Variants in ANKRD30BL observed in about 807,000 individuals in gnomAD.
ANKRD30BL encodes ankyrin repeat domain 30B like, also known as putative ankyrin repeat domain-containing protein 30B-like.
In ANKRD30BL, 20 loss-of-function variants were observed where a neutral mutation model predicts 18.4. The ratio of observed to expected loss-of-function variants is 1.09; its 90% CI spans 0.77 to 1.58. The LOEUF is 1.58. Ranked by LOEUF, ANKRD30BL falls within the 40% of genes most tolerant of loss-of-function variation. The probability of loss-of-function intolerance (pLI) is 0.00; values close to 1 mark genes in which losing one functional copy is unlikely to be tolerated. For missense variants in ANKRD30BL, 224 were observed against 268.6 expected (o/e 0.83, Z 1.16); for synonymous variants, 72 against 100.9 (o/e 0.71, Z 1.72).
intron 1 of ANKRD30BL, among the ~76,000 whole-genome samples, chr2:132,172,915 C>G (rs537906669): frequency 6.6e-6 from 1 of 152,108 alleles, no homozygotes; most frequent in Non-Finnish European, 1.5e-5. Flanking sequence ...ACCATATTGG[C>G]CAGGCTGGTC....
At chr2:132,219,780 T>C in intron 1 of ANKRD30BL, among the ~76,000 whole-genome samples, 1 of 152,226 alleles carries the variant, frequency 6.6e-6, no homozygotes, top group Admixed American at 6.6e-5. Context: ...AATCTGCATG[T>C]GGATATTTGA....
chr2:132,168,988 ATATTG>A (rs1327699169), intron 1 of ANKRD30BL, among the ~76,000 whole-genome samples: 3 of 152,064 alleles, frequency 2.0e-5, no homozygotes, highest in Admixed American at 6.6e-5. Flanking sequence ...TTATTTTAGA[ATATTG>A]TATTGTCATT....
intron 1 of ANKRD30BL, among the ~76,000 whole-genome samples, chr2:132,221,730 G>A (rs1280756535): frequency 3.7e-4 from 41 of 111,880 alleles, no homozygotes; most frequent in Non-Finnish European, 6.1e-4. Context: ...CGCCCCGTCC[G>A]GGAGGTGAGG....
intron 1 of ANKRD30BL, among the ~76,000 whole-genome samples, chr2:132,200,225 A>C (rs1303326165): frequency 6.6e-6 from 1 of 151,632 alleles, no homozygotes; most frequent in Non-Finnish European, 1.5e-5. Context: ...TCCCTTTGAA[A>C]ACTGGCACAA....
chr2:132,188,999 A>G (rs1449816871), intron 1 of ANKRD30BL, among the ~76,000 whole-genome samples: 1 of 152,150 alleles, frequency 6.6e-6, no homozygotes. Context: ...CACAGGCCTC[A>G]GGAAACTGGG....
chr2:132,251,829 G>A (rs1218366248), intron 1 of ANKRD30BL, among the ~76,000 whole-genome samples: 1 of 152,122 alleles, frequency 6.6e-6, no homozygotes, highest in South Asian at 2.1e-4. Flanking sequence ...AAGTAACTTT[G>A]TGTTCTTTAT....
At chr2:132,206,158 GAGAAA>G (rs1208846136) in intron 1 of ANKRD30BL, among the ~76,000 whole-genome samples, 4 of 152,002 alleles carry the variant, frequency 2.6e-5, no homozygotes, top group South Asian at 2.1e-4. Flanking sequence ...AGAAAGAAAA[GAGAAA>G]AGAAAAGAGA....
At chr2:132,242,076 T>C (rs1324444717) in intron 1 of ANKRD30BL, among the ~76,000 whole-genome samples, 1 of 151,916 alleles carries the variant, frequency 6.6e-6, no homozygotes, top group South Asian at 2.1e-4. Flanking sequence ...TTGTGATGTG[T>C]GTACTCAATT....
intron 1 of ANKRD30BL, among the ~76,000 whole-genome samples, chr2:132,204,786 G>A (rs906434213): frequency 1.3e-5 from 2 of 152,074 alleles, no homozygotes; most frequent in Non-Finnish European, 2.9e-5. Context: ...GATGAGATGG[G>A]CAATGCTTTA....
chr2:132,252,999 G>A (rs567908975), intron 1 of ANKRD30BL, among the ~76,000 whole-genome samples: 68 of 152,116 alleles, frequency 4.5e-4, no homozygotes, highest in African/African-American at 1.5e-3. Flanking sequence ...ACACAGGGCC[G>A]CAGGGGGAGG....
At chr2:132,255,394 A>AT (rs1680801983) in intron 1 of ANKRD30BL, among the ~76,000 whole-genome samples, 2 of 148,522 alleles carry the variant, frequency 1.3e-5, no homozygotes, top group Admixed American at 6.7e-5. Context: ...GAACACTCTA[A>AT]TTTTTTCAAA....
intron 1 of ANKRD30BL, among the ~76,000 whole-genome samples, chr2:132,239,738 AAC>A (rs1052413406): frequency 5.3e-5 from 8 of 152,026 alleles, no homozygotes; most frequent in African/African-American, 1.4e-4. Flanking sequence ...GCAGTTTTGA[AAC>A]ACTCTTTTTG....
intron 1 of ANKRD30BL, among the ~76,000 whole-genome samples, chr2:132,213,587 T>C (rs28757297): frequency 0.021 from 3,229 of 151,896 alleles, no homozygotes; most frequent in African/African-American, 0.074. Context: ...AACTCTTTTT[T>C]AGACTCTGCA....
At chr2:132,212,203 G>C (rs2872847) in intron 1 of ANKRD30BL, among the ~76,000 whole-genome samples, 2 of 151,524 alleles carry the variant, frequency 1.3e-5, no homozygotes, top group Non-Finnish European at 3.0e-5. Context: ...AGAATCTGCA[G>C]GTGGATATTT....
intron 1 of ANKRD30BL, among the ~76,000 whole-genome samples, chr2:132,250,100 A>C (rs1024094935): frequency 1.3e-5 from 2 of 152,164 alleles, no homozygotes; most frequent in African/African-American, 2.4e-5. Flanking sequence ...CTGTGAGATG[A>C]ATCCACACAT....
chr2:132,176,634 C>CA (rs1015538140), intron 1 of ANKRD30BL, among the ~76,000 whole-genome samples: 17 of 149,994 alleles, frequency 1.1e-4, no homozygotes, highest in African/African-American at 1.7e-4. Flanking sequence ...AAGACAAAAA[C>CA]AAAAAAAAAG....
At chr2:132,149,458 G>A (rs1412628642) in intron 5 of ANKRD30BL, among the ~76,000 whole-genome samples, 4 of 152,166 alleles carry the variant, frequency 2.6e-5, no homozygotes, top group Non-Finnish European at 5.9e-5. Context: ...ACAAGACTAT[G>A]TAACATAACC....
intron 1 of ANKRD30BL, among the ~76,000 whole-genome samples, chr2:132,238,599 G>A (rs1680226586): frequency 6.6e-6 from 1 of 151,586 alleles, no homozygotes; most frequent in African/African-American, 2.4e-5. Flanking sequence ...TGAAGCCTAT[G>A]GTGAAAAAGG....
intron 1 of ANKRD30BL, among the ~76,000 whole-genome samples, chr2:132,157,649 A>C (rs1409469769): frequency 6.6e-6 from 1 of 152,218 alleles, no homozygotes; most frequent in Non-Finnish European, 1.5e-5. Flanking sequence ...GATTCAGTTC[A>C]ACTTGGGCTT....
Sources: allele counts gnomAD v4.1 joint callset (sites outside exome capture counted in the v4.1 genomes callset), GRCh38; gene constraint gnomAD v4.1.1; transcripts MANE v1.5; gene names NCBI Gene and HGNC (gene_info 2026-07-23, HGNC 2026-07-21).